The following NR1H2 variants were observed in gnomAD, a reference collection of about 807,000 sequenced individuals.
NR1H2 encodes oxysterols receptor LXR-beta.
NR1H2 carries 33 observed loss-of-function variants against 51.2 expected under a neutral mutation model. The observed-to-expected ratio is 0.64, with a 90% CI of 0.49 to 0.86. NR1H2 has a LOEUF of 0.86. Ranked by LOEUF, NR1H2 falls within the 40% of genes least tolerant of loss-of-function variation. NR1H2 has a pLI of 0.00. For synonymous variants in NR1H2, 310 were observed against 264.3 expected (o/e 1.17, Z -1.68); for missense variants, 592 against 639.9 (o/e 0.93, Z 0.81).
At position 50,378,860 on chromosome 19, in the gene NR1H2, A is replaced by G; in HGVS notation, c.747+64A>G. On this transcript the variant is annotated intron_variant, in intron 6 of 9. Transcript: ENST00000253727. ...ATGGGGTAGAGCCAGCTGGGCCATC[A>G]CCCAGGGTGTGGGAGAATGAGGCTC... 2.5e-6 allele frequency: 4 copies of G among 1,576,302 alleles called. No individual in the cohort carries two copies. In the South Asian group the frequency reaches 4.7e-5, roughly 19 times the overall value.
In NR1H2 at chr19:50,381,985, C is replaced by T; in HGVS notation, c.1047C>T (p.Ile349=). 2 of 1,561,396 alleles carry T rather than the reference C, an allele frequency of 1.3e-6. No homozygotes were observed. The highest frequency in any genetic ancestry group is 1.7e-6 in the Non-Finnish European group (2 of 1,152,264). The change falls in exon 9 of 10, where the codon ATC becomes ATT. Residue 349 remains isoleucine, a synonymous_variant. Coordinates refer to ENST00000253727, the MANE Select transcript of NR1H2 (RefSeq NM_007121.7). ...FHRAGLQVEF[I]NPIFEFSRAM... The stretch of plus-strand genomic sequence containing the variant: ...CCGCAGGCCTGCAGGTGGAGTTCAT[C>T]AACCCCATCTTCGAGTTCTCGCGGG...
chr19:50,377,083 G>T (rs1050175250), intron 2 of NR1H2, among the ~76,000 whole-genome samples: 2 of 150,018 alleles, frequency 1.3e-5, no homozygotes, highest in African/African-American at 2.5e-5. Flanking sequence ...GAGGCTTGGA[G>T]GGAGGGATGC....
intron 7 of NR1H2, among the ~76,000 whole-genome samples, chr19:50,379,424 C>G (rs185534871): frequency 6.6e-6 from 1 of 152,284 alleles, no homozygotes; most frequent in East Asian, 1.9e-4. Flanking sequence ...GCATTTGAAT[C>G]AAAGTAGGGA....
At chr19:50,382,243 G>A in intron 9 of NR1H2, 69 bp downstream of exon 9, 1 of 1,426,974 alleles carries the variant, frequency 7.0e-7, no homozygotes. Context: ...GTTCAGGCTG[G>A]GTTCTGCCAG....
rs868500848 is a variant in NR1H2 at position 50,381,594 on chromosome 19, G to A, written c.1028-372G>A. ...ATGAGTTTGGGCTTTACCTTGAGCA[G>A]TGGAAGCCAGCGCTGGGACCAGCAC... On this transcript the variant is annotated intron_variant, in intron 8 of 9. Transcript: ENST00000253727. Among the ~76,000 whole-genome samples, 41 of 152,350 alleles carry A rather than the reference G, an allele frequency of 2.7e-4. No homozygotes were observed. In the Middle Eastern group the frequency reaches 0.014, roughly 51 times the overall value.
chr19:50,377,648 G>C lies in NR1H2; in HGVS notation c.43G>C (p.Gly15Arg). The C allele has an allele frequency of 1.2e-6, 2 of 1,613,538 alleles. No individual in the cohort carries two copies. Among genetic ancestry groups the C allele is most frequent in the Non-Finnish European group, 1.7e-6 (2 of 1,179,700 alleles). Residue 15 changes from glycine (G) to arginine (R), a missense_variant and splice_region_variant, in exon 3 of 10, where the codon GGA becomes CGA. Gly to Arg is a moderately radical substitution (Grantham distance 125). This residue lies in a region of NR1H2 where 316 missense variants were observed against 313.4 expected (regional missense o/e 1.01). Coordinates refer to ENST00000253727, the MANE Select transcript of NR1H2 (RefSeq NM_007121.7). ...GAGTTCCCTGGATACCCCCCTGCCT[G>C]GTGAGTGACTCTCTTCCCCACCCAG... Reference protein sequence around the residue: ...TTSSLDTPLPGNGPPQPGAPS... With the variant: ...TTSSLDTPLPRNGPPQPGAPS...
intron 9 of NR1H2, 109 bp from the exon 10 acceptor site, chr19:50,382,347 G>A (rs943479356): frequency 1.2e-5 from 17 of 1,430,018 alleles, no homozygotes; most frequent in Non-Finnish European, 1.5e-5. Context: ...CGGGCCCCAC[G>A]CTGGCTCCCA....
At chr19:50,377,980 T>G in intron 4 of NR1H2, 110 bp downstream of exon 4, 1 of 1,450,960 alleles carries the variant, frequency 6.9e-7, no homozygotes, top group Non-Finnish European at 9.2e-7. Flanking sequence ...TGTTCTTGCT[T>G]TCTCCTTAAC....
chr19:50,381,888 CTG>C (rs770228889), intron 8 of NR1H2, 76 bp from the exon 9 acceptor site: 54 of 1,234,640 alleles, frequency 4.4e-5, no homozygotes, highest in Non-Finnish European at 5.5e-5. Flanking sequence ...GCCCCAGAGA[CTG>C]TGGGCAGCGC....
intron 2 of NR1H2, among the ~76,000 whole-genome samples, chr19:50,377,043 G>C (rs1260399995): frequency 7.2e-6 from 1 of 138,976 alleles, no homozygotes; most frequent in African/African-American, 2.7e-5. Context: ...GATGGGAGGG[G>C]ATGGGGACCT....
At position 50,378,507 on chromosome 19, in the gene NR1H2, T is replaced by C. The variant is rs200563190; in HGVS notation, c.473-15T>C. Reference sequence around the variant, plus strand: ...CTAGCCCTGGGGTTCTGCTGAGGCCTGCATCCCCCTACAGGCGTCCTTTCT... The same window carrying C: ...CTAGCCCTGGGGTTCTGCTGAGGCCCGCATCCCCCTACAGGCGTCCTTTCT... On this transcript the variant is annotated splice_polypyrimidine_tract_variant and intron_variant, in intron 5 of 9. Coordinates refer to ENST00000253727, the MANE Select transcript of NR1H2 (RefSeq NM_007121.7). 4 of 1,596,086 alleles carry C rather than the reference T, an allele frequency of 2.5e-6. No individual in the cohort carries two copies. Among genetic ancestry groups the C allele is most frequent in the African/African-American group, 2.7e-5 (2 of 74,708 alleles).
In NR1H2 at chr19:50,377,586, G is replaced by A. The variant is rs2037687879; in HGVS notation, c.-19-1G>A. On this transcript the variant is annotated splice_acceptor_variant, in intron 2 of 9. Transcript: ENST00000253727. LOFTEE classifies it low-confidence loss of function (5UTR_SPLICE). The stretch of plus-strand genomic sequence containing the variant: ...GGCTCTCAATCCCCTGTATTCTACA[G>A]GCTGCTCCGTGACCCCACCATGTCC... 2 of 1,612,944 alleles carry A rather than the reference G, an allele frequency of 1.2e-6. No homozygotes were observed. Among genetic ancestry groups the A allele is most frequent in the South Asian group, 1.1e-5 (1 of 91,042 alleles).
At chr19:50,380,949 CCTCCTCCG>C (rs2037755858) in intron 8 of NR1H2, among the ~76,000 whole-genome samples, 1 of 152,194 alleles carries the variant, frequency 6.6e-6, no homozygotes, top group Admixed American at 6.5e-5. Flanking sequence ...TGCCCACTTC[CCTCCTCCG>C]CTCAGAACCC....
At chr19:50,381,913 TGTG>T in intron 8 of NR1H2, 50 bp from the exon 9 acceptor site, 1 of 1,457,550 alleles carries the variant, frequency 6.9e-7, no homozygotes, top group Non-Finnish European at 9.3e-7. Flanking sequence ...GGGTCCAGGA[TGTG>T]GGGCACGGTT....
At chr19:50,379,375 G>A (rs181215107) in intron 7 of NR1H2, among the ~76,000 whole-genome samples, 194 bp downstream of exon 7, 39 of 152,312 alleles carry the variant, frequency 2.6e-4, no homozygotes, top group Non-Finnish European at 5.6e-4. Flanking sequence ...AGGCGCTATT[G>A]CAGAGAAAAG....
intron 7 of NR1H2, 119 bp from the exon 8 acceptor site, chr19:50,379,661 G>T (rs2303045): frequency 2.0e-5 from 14 of 693,770 alleles, no homozygotes; most frequent in Non-Finnish European, 2.4e-5. Context: ...GAGAGAACAG[G>T]GGGGAAGGGG....
intron 2 of NR1H2, chr19:50,377,265 T>C: frequency 9.9e-6 from 3 of 301,596 alleles, no homozygotes; most frequent in Non-Finnish European, 6.0e-6. Context: ...GGAAACTACA[T>C]GGCATGGAGG....
chr19:50,379,925 C>G (rs1212350068), intron 8 of NR1H2, 46 bp downstream of exon 8: 2 of 1,261,600 alleles, frequency 1.6e-6, no homozygotes, highest in Non-Finnish European at 2.3e-6. Flanking sequence ...CCCCTGCTGG[C>G]TGGAAGACCT....
At position 50,378,146 on chromosome 19, in the gene NR1H2, C is replaced by A. The variant is rs759000451; in HGVS notation, c.182-3C>A. The A allele has an allele frequency of 4.2e-5, 67 of 1,605,488 alleles. No homozygotes were observed. The East Asian group carries it at 1.4e-3, about 34-fold the overall frequency. On this transcript the variant is annotated splice_polypyrimidine_tract_variant and splice_region_variant and intron_variant, in intron 4 of 9. Coordinates refer to ENST00000253727, the MANE Select transcript of NR1H2 (RefSeq NM_007121.7). ...TCTCATGGCCTCTACCTACCCACCC[C>A]AGTCATCCCAGATCCCGAAGAGGAA...
Sources: gnomAD v4.1 joint callset for allele counts (sites outside exome capture counted in the v4.1 genomes callset) on GRCh38, gnomAD v4.1.1 for gene constraint, gnomAD v4.1.1 regional missense constraint, MANE v1.5 for transcripts, NCBI Gene and HGNC (gene_info 2026-07-23, HGNC 2026-07-21) for gene names.